Variants in NEGR1 observed in about 807,000 individuals in gnomAD.
NEGR1 encodes the protein IgLON family member 4.
NEGR1 carries 10 observed loss-of-function variants against 40.9 expected under a neutral mutation model. The ratio of observed to expected loss-of-function variants is 0.24; its 90% CI spans 0.15 to 0.42. NEGR1 has a LOEUF of 0.42. Among genes scored for constraint, NEGR1 ranks in the 10% least tolerant of loss-of-function variants. NEGR1 has a pLI of 1.00. For synonymous variants in NEGR1, 185 were observed against 166.8 expected (o/e 1.11, Z -0.84); for missense variants, 352 against 438.9 (o/e 0.80, Z 1.77).
intron 2 of NEGR1, among the ~76,000 whole-genome samples, chr1:71,865,919 AAC>A (rs1660098527): frequency 6.6e-6 from 1 of 152,168 alleles, no homozygotes; most frequent in Non-Finnish European, 1.5e-5. Flanking sequence ...TCCTGTATTA[AAC>A]AAAGACATAT....
chr1:71,668,507 A>G (rs1014362280), intron 4 of NEGR1, among the ~76,000 whole-genome samples: 2 of 152,168 alleles, frequency 1.3e-5, no homozygotes, highest in Non-Finnish European at 2.9e-5. Flanking sequence ...TAATTGATAG[A>G]ATATTTGCCT....
At chr1:71,856,984 G>A (rs957798624) in intron 2 of NEGR1, among the ~76,000 whole-genome samples, 2 of 151,960 alleles carry the variant, frequency 1.3e-5, no homozygotes, top group African/African-American at 4.8e-5. Context: ...TCTCATTCCT[G>A]TATTTGCAGG....
At chr1:72,251,621 T>C (rs1161861208) in intron 1 of NEGR1, among the ~76,000 whole-genome samples, 1 of 152,198 alleles carries the variant, frequency 6.6e-6, no homozygotes, top group Non-Finnish European at 1.5e-5. Context: ...GTAAATGCTA[T>C]GTCAATCATT....
intron 1 of NEGR1, among the ~76,000 whole-genome samples, chr1:72,053,650 T>A (rs1026630766): frequency 1.3e-5 from 2 of 151,158 alleles, no homozygotes; most frequent in Non-Finnish European, 3.0e-5. Context: ...AAAGGCCACA[T>A]ATCCTCAGCC....
chr1:71,459,871 C>G (rs1569899189), intron 6 of NEGR1, among the ~76,000 whole-genome samples: 2 of 152,186 alleles, frequency 1.3e-5, no homozygotes, highest in East Asian at 1.9e-4. Context: ...ATCATAACTT[C>G]CTCAGAATCC....
At chr1:71,864,732 A>C (rs1313532674) in intron 2 of NEGR1, among the ~76,000 whole-genome samples, 2 of 152,160 alleles carry the variant, frequency 1.3e-5, no homozygotes, top group Non-Finnish European at 2.9e-5. Context: ...AATCCTTCCA[A>C]TAAGCACACG....
chr1:71,852,022 C>A (rs1429973006), intron 2 of NEGR1, among the ~76,000 whole-genome samples: 2 of 152,056 alleles, frequency 1.3e-5, no homozygotes, highest in Non-Finnish European at 2.9e-5. Context: ...GACTTTGGAA[C>A]CAGAAAATAC....
At chr1:72,012,446 C>T in intron 1 of NEGR1, among the ~76,000 whole-genome samples, 1 of 151,992 alleles carries the variant, frequency 6.6e-6, no homozygotes, top group Non-Finnish European at 1.5e-5. Flanking sequence ...GTTATTGGTG[C>T]CAAAGTGAAT....
intron 6 of NEGR1, among the ~76,000 whole-genome samples, chr1:71,589,016 C>T (rs1649408768): frequency 6.6e-6 from 1 of 152,046 alleles, no homozygotes; most frequent in Admixed American, 6.6e-5. Context: ...ATTTATTATC[C>T]ATGTCTCTAT....
chr1:71,828,751 T>G (rs557054387), intron 2 of NEGR1, among the ~76,000 whole-genome samples: 106 of 152,078 alleles, frequency 7.0e-4, no homozygotes, highest in African/African-American at 2.3e-3. Context: ...TGTCCTGCAC[T>G]CCACAGGAGC....
At chr1:72,000,799 T>A (rs913157643) in intron 1 of NEGR1, among the ~76,000 whole-genome samples, 2 of 152,166 alleles carry the variant, frequency 1.3e-5, no homozygotes, top group Non-Finnish European at 2.9e-5. Flanking sequence ...ATTTATTTTA[T>A]ATTCTCAGGA....
chr1:71,635,719 T>G (rs1170403451), intron 4 of NEGR1, among the ~76,000 whole-genome samples: 1 of 151,992 alleles, frequency 6.6e-6, no homozygotes, highest in African/African-American at 2.4e-5. Context: ...AGAGTCAATA[T>G]CAAATGAAGA....
At chr1:71,567,750 TA>T (rs1033544506) in intron 6 of NEGR1, among the ~76,000 whole-genome samples, 4 of 152,148 alleles carry the variant, frequency 2.6e-5, no homozygotes, top group African/African-American at 7.2e-5. Context: ...GTTGAAATTC[TA>T]AAGCCTAACG....
chr1:71,428,091 C>A (rs1465827124), intron 6 of NEGR1, among the ~76,000 whole-genome samples: 1 of 152,090 alleles, frequency 6.6e-6, no homozygotes, highest in Non-Finnish European at 1.5e-5. Flanking sequence ...ACTGAAAGGG[C>A]AGAGGAAGAC....
intron 1 of NEGR1, among the ~76,000 whole-genome samples, chr1:72,126,138 A>ATGTGTGTGT (rs1650013898): frequency 9.6e-6 from 1 of 104,034 alleles, no homozygotes; most frequent in East Asian, 3.6e-4. Context: ...TGTGTGTGAA[A>ATGTGTGTGT]GACAGAGAAA....
chr1:71,943,800 T>C (rs567554877), intron 1 of NEGR1, among the ~76,000 whole-genome samples: 3 of 152,294 alleles, frequency 2.0e-5, no homozygotes, highest in Non-Finnish European at 2.9e-5. Context: ...TTAAGAGGCA[T>C]GGAAATATTT....
At chr1:71,923,593 G>A (rs949679703) in intron 2 of NEGR1, among the ~76,000 whole-genome samples, 2 of 152,164 alleles carry the variant, frequency 1.3e-5, no homozygotes, top group African/African-American at 4.8e-5. Context: ...TTACATGTCT[G>A]TTAGGGTAGA....
intron 1 of NEGR1, among the ~76,000 whole-genome samples, chr1:72,003,955 C>T (rs1341295211): frequency 6.6e-6 from 1 of 151,892 alleles, no homozygotes; most frequent in Non-Finnish European, 1.5e-5. Flanking sequence ...AATGGATAGA[C>T]AATAAATGAG....
At chr1:71,826,559 T>G (rs2101784399) in intron 2 of NEGR1, among the ~76,000 whole-genome samples, 1 of 152,010 alleles carries the variant, frequency 6.6e-6, no homozygotes, top group Non-Finnish European at 1.5e-5. Flanking sequence ...TGAAAAGAGA[T>G]ATAAGTAGAT....
Sources: allele counts gnomAD v4.1 joint callset (sites outside exome capture counted in the v4.1 genomes callset), GRCh38; gene constraint gnomAD v4.1.1; transcripts MANE v1.5; gene names NCBI Gene and HGNC (gene_info 2026-07-23, HGNC 2026-07-21).